SSBP2: variants seen among roughly 807,000 people sequenced by gnomAD.
SSBP2 encodes single-stranded DNA-binding protein 2.
A neutral mutation model predicts 61.8 loss-of-function variants in SSBP2; 17 were observed. The observed-to-expected ratio is 0.28, with a 90% CI of 0.19 to 0.41. The LOEUF (loss-of-function observed/expected upper bound fraction) is 0.41. Ranked by LOEUF, SSBP2 falls within the 10% of genes least tolerant of loss-of-function variation. The pLI is 1.00. For synonymous variants in SSBP2, 139 were observed against 141.3 expected, an observed-to-expected ratio of 0.98 and a Z score of 0.12; for missense variants, 310 against 458.7, an observed-to-expected ratio of 0.68 and a Z score of 2.96.
intron 5 of SSBP2, among the ~76,000 whole-genome samples, chr5:81,504,140 G>GA (rs1014665478): frequency 4.6e-5 from 7 of 152,016 alleles, no homozygotes; most frequent in Non-Finnish European, 8.8e-5. Flanking sequence ...TAAAATAAAA[G>GA]AAAAAACAAA....
At chr5:81,552,645 AAAAAAAG>A (rs958609969) in intron 4 of SSBP2, among the ~76,000 whole-genome samples, 8 of 151,862 alleles carry the variant, frequency 5.3e-5, no homozygotes, top group Non-Finnish European at 1.0e-4. Flanking sequence ...CTCTTAAAAA[AAAAAAAG>A]AAAAAAGAAA....
chr5:81,446,437 T>G (rs545342034), intron 12 of SSBP2, among the ~76,000 whole-genome samples: 7 of 151,164 alleles, frequency 4.6e-5, no homozygotes, highest in African/African-American at 1.7e-4. Context: ...TAAATAATAC[T>G]GTAAGTACTT....
At chr5:81,506,116 A>G (rs759739647) in intron 5 of SSBP2, among the ~76,000 whole-genome samples, 4 of 152,216 alleles carry the variant, frequency 2.6e-5, no homozygotes, top group Non-Finnish European at 5.9e-5. Context: ...GGACAGCATT[A>G]TCAAAGCCAG....
At chr5:81,715,823 G>A (rs1321092298) in intron 1 of SSBP2, among the ~76,000 whole-genome samples, 2 of 152,120 alleles carry the variant, frequency 1.3e-5, no homozygotes, top group Non-Finnish European at 2.9e-5. Flanking sequence ...TAGGAAGGCC[G>A]AGGCAAGAGG....
At chr5:81,451,741 T>A (rs975043996) in intron 10 of SSBP2, among the ~76,000 whole-genome samples, 2 of 152,264 alleles carry the variant, frequency 1.3e-5, no homozygotes, top group Non-Finnish European at 2.9e-5. Flanking sequence ...TTTTATACTT[T>A]TAATTTCTCC....
At chr5:81,734,723 T>G (rs1756481553) in intron 1 of SSBP2, among the ~76,000 whole-genome samples, 1 of 151,972 alleles carries the variant, frequency 6.6e-6, no homozygotes, top group South Asian at 2.1e-4. Flanking sequence ...TGTAATGCCA[T>G]CACTTTGGGA....
At chr5:81,470,931 C>G (rs1214340254) in intron 8 of SSBP2, among the ~76,000 whole-genome samples, 1 of 151,778 alleles carries the variant, frequency 6.6e-6, no homozygotes, top group East Asian at 1.9e-4. Flanking sequence ...TCATAAGATT[C>G]CCCTGATTCC....
At chr5:81,496,664 T>C (rs947470045) in intron 5 of SSBP2, among the ~76,000 whole-genome samples, 10 of 152,246 alleles carry the variant, frequency 6.6e-5, no homozygotes, top group African/African-American at 1.7e-4. Flanking sequence ...TGCAATGTTA[T>C]TTGAATATGC....
intron 1 of SSBP2, among the ~76,000 whole-genome samples, chr5:81,732,292 A>C (rs1470477964): frequency 1.3e-5 from 2 of 152,194 alleles, no homozygotes; most frequent in Non-Finnish European, 2.9e-5. Flanking sequence ...AATATGAATA[A>C]ATCAATATAA....
chr5:81,746,231 T>C (rs1481288460), intron 1 of SSBP2, among the ~76,000 whole-genome samples: 3 of 152,114 alleles, frequency 2.0e-5, no homozygotes, highest in African/African-American at 7.2e-5. Context: ...TTTTTGATAC[T>C]TCTGAAATAA....
At chr5:81,615,787 G>C (rs1054298915) in intron 3 of SSBP2, among the ~76,000 whole-genome samples, 19 of 152,066 alleles carry the variant, frequency 1.2e-4, no homozygotes, top group Admixed American at 2.6e-4. Flanking sequence ...AAAATTTATA[G>C]CAATAATTTA....
chr5:81,456,590 T>C (rs1764165816), intron 10 of SSBP2, among the ~76,000 whole-genome samples: 1 of 150,560 alleles, frequency 6.6e-6, no homozygotes, highest in South Asian at 2.1e-4. Flanking sequence ...GAATCCTTCG[T>C]GAAAAAGAAA....
chr5:81,673,446 C>CA (rs1751735992), intron 1 of SSBP2, among the ~76,000 whole-genome samples: 1 of 151,938 alleles, frequency 6.6e-6, no homozygotes. Context: ...GTGCTTGAAT[C>CA]AAAAAAACTT....
At chr5:81,578,588 T>G (rs1354447079) in intron 4 of SSBP2, among the ~76,000 whole-genome samples, 1 of 150,700 alleles carries the variant, frequency 6.6e-6, no homozygotes, top group African/African-American at 2.4e-5. Context: ...TAAGAGGGAA[T>G]GCAGAAAAGG....
chr5:81,497,803 G>A (rs1351701417), intron 5 of SSBP2, among the ~76,000 whole-genome samples: 4 of 151,978 alleles, frequency 2.6e-5, no homozygotes, highest in African/African-American at 9.7e-5. Context: ...TGGGTGACAG[G>A]GTTGAAAATA....
At chr5:81,490,468 A>G (rs555297452) in intron 5 of SSBP2, among the ~76,000 whole-genome samples, 17 of 152,292 alleles carry the variant, frequency 1.1e-4, no homozygotes, top group African/African-American at 3.8e-4. Flanking sequence ...TATCAAATCT[A>G]ACGGGTTGAA....
At chr5:81,460,218 C>T (rs1246484958) in intron 10 of SSBP2, among the ~76,000 whole-genome samples, 1 of 152,104 alleles carries the variant, frequency 6.6e-6, no homozygotes, top group Non-Finnish European at 1.5e-5. Context: ...AAAAAGCATC[C>T]TCTTTGCGTA....
rs566009740 is a variant in SSBP2, at chr5:81,643,420, C to A, written c.136-6802G>T. 9.2e-5 allele frequency among the ~76,000 whole-genome samples: 14 copies of A among 152,084 alleles called. No homozygotes were observed. The South Asian group carries it at 2.5e-3, about 27-fold the overall frequency. On this transcript the variant is annotated intron_variant, in intron 2 of 16. Transcript: ENST00000320672. Reference sequence around the variant, plus strand: ...ACCAATTCCTGTGTTAAGAAAATAACCTGTATACCTATGTGTAAGTTTCTT... The same window carrying A: ...ACCAATTCCTGTGTTAAGAAAATAAACTGTATACCTATGTGTAAGTTTCTT...
At chr5:81,623,824 T>C (rs377159594) in intron 3 of SSBP2, among the ~76,000 whole-genome samples, 3 of 152,186 alleles carry the variant, frequency 2.0e-5, no homozygotes, top group African/African-American at 7.2e-5. Flanking sequence ...ATGTTTGCCT[T>C]TATGGATTTA....
Sources: allele counts gnomAD v4.1 joint callset (sites outside exome capture counted in the v4.1 genomes callset), GRCh38; gene constraint gnomAD v4.1.1; transcripts MANE v1.5; gene names NCBI Gene and HGNC (gene_info 2026-07-23, HGNC 2026-07-21).